UBE3C: variants seen among roughly 807,000 people sequenced by gnomAD.
The protein encoded by UBE3C is ubiquitin-protein ligase E3C.
In UBE3C, 42 loss-of-function variants were observed where a neutral mutation model predicts 129.4. The observed-to-expected ratio is 0.32, with a 90% CI of 0.25 to 0.42. UBE3C has a LOEUF of 0.42. Ranked by LOEUF, UBE3C falls within the 10% of genes least tolerant of loss-of-function variation. The probability of loss-of-function intolerance (pLI) is 1.00; values close to 1 mark genes in which losing one functional copy is unlikely to be tolerated. For missense variants in UBE3C, 1,049 were observed against 1,319.1 expected (o/e 0.80, Z 3.17); for synonymous variants, 510 against 492.4 (o/e 1.04, Z -0.47).
intron 1 of UBE3C, among the ~76,000 whole-genome samples, chr7:157,154,000 G>C (rs1223418579): frequency 1.3e-5 from 2 of 151,046 alleles, no homozygotes; most frequent in African/African-American, 4.9e-5. Flanking sequence ...CTGTCTGGGG[G>C]GGGAAAAGTT....
Position 157,267,758 on chromosome 7 carries a change from C to G in UBE3C, c.*3C>G. On this transcript the variant is annotated 3_prime_UTR_variant, in exon 23 of 23. Transcript: ENST00000348165. ...CCGCTGGCTTTGAGCTGAGCTGAAG[C>G]TGATGCTGGGGTCAGACCCCTACAG... is the stretch of plus-strand genomic sequence containing the variant. 6.3e-7 allele frequency: 1 copy of G among 1,596,882 alleles called. No individual in the cohort carries two copies. Among genetic ancestry groups the G allele is most frequent in the East Asian group, 2.3e-5 (1 of 44,396 alleles).
At chr7:157,193,295 A>G (rs1809024901) in intron 10 of UBE3C, among the ~76,000 whole-genome samples, 1 of 152,186 alleles carries the variant, frequency 6.6e-6, no homozygotes, top group Admixed American at 6.5e-5. Context: ...TTTCAGAAGA[A>G]CAAATTATTG....
chr7:157,182,991 C>T (rs1808708579), intron 8 of UBE3C, among the ~76,000 whole-genome samples: 1 of 152,188 alleles, frequency 6.6e-6, no homozygotes. Context: ...TCGTGATCCA[C>T]CCGCCTCGGC....
At chr7:157,160,550 A>G (rs2116849806) in intron 1 of UBE3C, among the ~76,000 whole-genome samples, 1 of 152,294 alleles carries the variant, frequency 6.6e-6, no homozygotes, top group East Asian at 1.9e-4. Context: ...AGTTGATTGT[A>G]TCATTTGTAT....
intron 4 of UBE3C, among the ~76,000 whole-genome samples, chr7:157,172,944 C>T (rs575786862): frequency 6.6e-6 from 1 of 152,306 alleles, no homozygotes; most frequent in South Asian, 2.1e-4. Flanking sequence ...GCTTCAGAAG[C>T]CATCTGTGAA....
At chr7:157,231,454 C>G (rs1158492487) in intron 18 of UBE3C, 127 bp downstream of exon 18, 3 of 1,415,300 alleles carry the variant, frequency 2.1e-6, no homozygotes, top group Admixed American at 2.2e-5. Flanking sequence ...CTAAATGTTG[C>G]AAAAGCACTG....
At chr7:157,153,847 C>T (rs1174709170) in intron 1 of UBE3C, among the ~76,000 whole-genome samples, 2 of 143,808 alleles carry the variant, frequency 1.4e-5, no homozygotes, top group Non-Finnish European at 3.0e-5. Context: ...AACAAAAAAA[C>T]GGGCATGGTG....
intron 1 of UBE3C, among the ~76,000 whole-genome samples, chr7:157,143,336 TTAG>T (rs1162853367): frequency 1.3e-5 from 2 of 152,134 alleles, no homozygotes; most frequent in East Asian, 1.9e-4. Flanking sequence ...TAAAACTAGC[TTAG>T]TAGGCAAAAC....
intron 17 of UBE3C, among the ~76,000 whole-genome samples, chr7:157,226,324 C>G (rs1408889293): frequency 4.6e-5 from 7 of 152,198 alleles, no homozygotes; most frequent in African/African-American, 1.4e-4. Flanking sequence ...TTGGAGCTCA[C>G]TGGCACGTTT....
chr7:157,142,832 CT>C (rs533688694), intron 1 of UBE3C, among the ~76,000 whole-genome samples: 10 of 151,620 alleles, frequency 6.6e-5, no homozygotes, highest in Non-Finnish European at 1.2e-4. Flanking sequence ...TAGGTACCCC[CT>C]AACTCTAAAA....
chr7:157,169,511 G>T (rs946968913), intron 3 of UBE3C, among the ~76,000 whole-genome samples: 3 of 152,066 alleles, frequency 2.0e-5, no homozygotes, highest in Non-Finnish European at 4.4e-5. Context: ...GAGTAGCTGG[G>T]ATTACAGGCA....
At chr7:157,208,770 A>G (rs780656414) in intron 13 of UBE3C, among the ~76,000 whole-genome samples, 1 of 152,238 alleles carries the variant, frequency 6.6e-6, no homozygotes, top group Non-Finnish European at 1.5e-5. Context: ...AACCACCACC[A>G]GTGAGAATGT....
chr7:157,229,594 G>C (rs1172934359), intron 17 of UBE3C, among the ~76,000 whole-genome samples: 1 of 152,076 alleles, frequency 6.6e-6, no homozygotes, highest in Non-Finnish European at 1.5e-5. Context: ...TGGGATTACA[G>C]GCATGTGCCA....
At chr7:157,170,123 T>G (rs1808325562) in intron 3 of UBE3C, among the ~76,000 whole-genome samples, 181 bp from the exon 4 acceptor site, 1 of 151,840 alleles carries the variant, frequency 6.6e-6, no homozygotes, top group South Asian at 2.1e-4. Context: ...CCTGGTTTTT[T>G]TTTTTTTTTT....
At chr7:157,263,967 C>G (rs1335210955) in intron 22 of UBE3C, among the ~76,000 whole-genome samples, 1 of 151,942 alleles carries the variant, frequency 6.6e-6, no homozygotes, top group Non-Finnish European at 1.5e-5. Flanking sequence ...GAGGTAGGGT[C>G]TTGCTCTGTT....
At chr7:157,160,106 G>C (rs573752801) in intron 1 of UBE3C, among the ~76,000 whole-genome samples, 2 of 147,928 alleles carry the variant, frequency 1.4e-5, no homozygotes, top group African/African-American at 5.0e-5. Flanking sequence ...ATGGAGTCTC[G>C]TTCTATCACC....
chr7:157,139,420 G>A (rs1484294176), intron 1 of UBE3C, 82 bp downstream of exon 1: 6 of 1,353,584 alleles, frequency 4.4e-6, no homozygotes, highest in Admixed American at 2.9e-5. Flanking sequence ...GCTGGACTCG[G>A]GGCTGGACTC....
At chr7:157,224,405 A>G (rs1273463622) in intron 16 of UBE3C, among the ~76,000 whole-genome samples, 1 of 152,012 alleles carries the variant, frequency 6.6e-6, no homozygotes, top group African/African-American at 2.4e-5. Flanking sequence ...CGTGTTAGCC[A>G]GGATGGTCTC....
In UBE3C at chr7:157,230,998, T is replaced by C. The variant is rs7777654; in HGVS notation, c.2234-82T>C. ...TCCCTAAGATCCTCACACCCCTTCC[T>C]TAAGCCTTCCTGTAAGGCTAGTTGA... is the stretch of plus-strand genomic sequence containing the variant. On this transcript the variant is annotated intron_variant, in intron 17 of 22. Coordinates refer to ENST00000348165, the MANE Select transcript of UBE3C (RefSeq NM_014671.3). The C allele has an allele frequency of 3.0e-3, 4,622 of 1,553,976 alleles. 116 individuals are homozygous for C. The African/African-American group carries it at 0.052, about 17-fold the overall frequency.
Sources: allele counts gnomAD v4.1 joint callset (sites outside exome capture counted in the v4.1 genomes callset), GRCh38; gene constraint gnomAD v4.1.1; transcripts MANE v1.5; gene names NCBI Gene and HGNC (gene_info 2026-07-23, HGNC 2026-07-21).